Variants in MAF observed in about 807,000 individuals in gnomAD.
MAF encodes MAF bZIP transcription factor.
MAF carries 10 observed loss-of-function variants against 22.0 expected under a neutral mutation model. The observed-to-expected ratio is 0.45, with a 90% CI of 0.28 to 0.77. The LOEUF is 0.77. Ranked by LOEUF, MAF falls within the 30% of genes least tolerant of loss-of-function variation. MAF has a pLI of 0.12. For synonymous variants in MAF, 337 were observed against 255.8 expected (o/e 1.32, Z -3.03); for missense variants, 544 against 548.4 (o/e 0.99, Z 0.08).
the MAF span, among the ~76,000 whole-genome samples, chr16:79,566,734 A>C: frequency 6.6e-6 from 1 of 152,050 alleles, no homozygotes; most frequent in Non-Finnish European, 1.5e-5. Context: ...TCTTGGTGAG[A>C]TGTGCAGGGC....
At chr16:79,479,511 A>G in the MAF span, among the ~76,000 whole-genome samples, 2 of 152,212 alleles carry the variant, frequency 1.3e-5, no homozygotes, top group African/African-American at 2.4e-5. Context: ...GGGCGGGGCC[A>G]TCACTGCAAG....
the MAF span, among the ~76,000 whole-genome samples, chr16:79,500,985 G>A: frequency 1.3e-5 from 2 of 152,140 alleles, no homozygotes; most frequent in African/African-American, 2.4e-5. Context: ...GTTTCTCTAA[G>A]CAGAAAAGAT....
chr16:79,480,880 G>C, the MAF span, among the ~76,000 whole-genome samples: 4 of 152,208 alleles, frequency 2.6e-5, no homozygotes. Context: ...GGACTGGGCA[G>C]TTCAAAACTG....
the MAF span, among the ~76,000 whole-genome samples, chr16:79,445,596 G>A: frequency 1.3e-5 from 2 of 152,226 alleles, no homozygotes; most frequent in Admixed American, 6.5e-5. Flanking sequence ...CACTGGCCAG[G>A]GCCACTCACA....
At chr16:79,296,873 G>C in the MAF span, among the ~76,000 whole-genome samples, 1 of 152,214 alleles carries the variant, frequency 6.6e-6, no homozygotes, top group East Asian at 1.9e-4. Context: ...TTCTGAGCTT[G>C]TCGTTCATTT....
At chr16:79,569,393 G>A in the MAF span, among the ~76,000 whole-genome samples, 1 of 152,188 alleles carries the variant, frequency 6.6e-6, no homozygotes, top group East Asian at 1.9e-4. Flanking sequence ...TCTCTGGATG[G>A]CAGCTGCAGA....
At chr16:79,515,249 T>A in the MAF span, among the ~76,000 whole-genome samples, 1 of 152,224 alleles carries the variant, frequency 6.6e-6, no homozygotes, top group African/African-American at 2.4e-5. Context: ...TAGTCCCTGA[T>A]AATTGTCTAT....
the MAF span, among the ~76,000 whole-genome samples, chr16:79,406,991 G>C: frequency 6.6e-6 from 1 of 152,160 alleles, no homozygotes; most frequent in Non-Finnish European, 1.5e-5. Flanking sequence ...AGGGACAGTA[G>C]GCTGCCGGCG....
At chr16:79,334,391 G>C in the MAF span, among the ~76,000 whole-genome samples, 77 of 152,174 alleles carry the variant, frequency 5.1e-4, no homozygotes, top group African/African-American at 1.7e-3. Context: ...GCAAGGCCAG[G>C]GAGGGTGACA....
chr16:79,416,085 G>T, the MAF span, among the ~76,000 whole-genome samples: 2 of 152,112 alleles, frequency 1.3e-5, no homozygotes, highest in African/African-American at 4.8e-5. Flanking sequence ...GAGGGGATGT[G>T]CCCAGCTTTG....
the MAF span, among the ~76,000 whole-genome samples, chr16:79,214,351 G>A: frequency 6.6e-6 from 1 of 152,148 alleles, no homozygotes; most frequent in Non-Finnish European, 1.5e-5. Context: ...ATGATTCTGG[G>A]TGACTAGGCT....
the MAF span, among the ~76,000 whole-genome samples, chr16:79,392,135 C>T: frequency 1.5e-4 from 19 of 129,440 alleles, no homozygotes; most frequent in African/African-American, 5.7e-4. Context: ...AGAGAGGGAA[C>T]TGGGGAGGGG....
At chr16:79,381,391 C>A in the MAF span, among the ~76,000 whole-genome samples, 1 of 152,132 alleles carries the variant, frequency 6.6e-6, no homozygotes, top group African/African-American at 2.4e-5. Flanking sequence ...ATACGAAGCC[C>A]AGATAAGTGT....
At chr16:79,263,678 T>C in the MAF span, among the ~76,000 whole-genome samples, 10 of 152,192 alleles carry the variant, frequency 6.6e-5, no homozygotes, top group Non-Finnish European at 1.0e-4. Context: ...TGTGTTTGCA[T>C]GTGGAGTGGG....
At chr16:79,384,270 C>T in the MAF span, among the ~76,000 whole-genome samples, 3 of 151,566 alleles carry the variant, frequency 2.0e-5, no homozygotes, top group African/African-American at 7.3e-5. Flanking sequence ...ATGGTGAAAC[C>T]CCATCTATAC....
At chr16:79,504,479 A>C in the MAF span, among the ~76,000 whole-genome samples, 1 of 152,234 alleles carries the variant, frequency 6.6e-6, no homozygotes, top group South Asian at 2.1e-4. Flanking sequence ...CAAGTATCTT[A>C]TTGGGATTTC....
the MAF span, among the ~76,000 whole-genome samples, chr16:79,286,496 C>G: frequency 2.0e-5 from 3 of 152,230 alleles, no homozygotes; most frequent in Admixed American, 1.3e-4. Flanking sequence ...TGCTGTTTCT[C>G]ATCTTCACTC....
At chr16:79,595,524 T>C in intron 1 of MAF, 9 of 1,060,050 alleles carry the variant, frequency 8.5e-6, no homozygotes, top group Non-Finnish European at 1.0e-5. Flanking sequence ...TAGGGGAAGA[T>C]GACTAAGAGT....
At chr16:79,416,531 G>C in the MAF span, among the ~76,000 whole-genome samples, 2 of 151,240 alleles carry the variant, frequency 1.3e-5, no homozygotes, top group South Asian at 2.1e-4. Context: ...CATTTACTGT[G>C]ACTTTCATAG....
Sources: gnomAD v4.1 joint callset for allele counts (sites outside exome capture counted in the v4.1 genomes callset) on GRCh38, gnomAD v4.1.1 for gene constraint, MANE v1.5 for transcripts, NCBI Gene and HGNC (gene_info 2026-07-23, HGNC 2026-07-21) for gene names.